The following TASOR2 variants were observed in gnomAD, a reference collection of about 807,000 sequenced individuals.
TASOR2 encodes the protein protein TASOR 2.
Under a neutral mutation model 199.5 loss-of-function variants are expected in TASOR2, and 84 were observed. The ratio of observed to expected loss-of-function variants is 0.42; its 90% CI spans 0.35 to 0.50. The LOEUF (loss-of-function observed/expected upper bound fraction) is 0.50. TASOR2 is among the 20% of genes least tolerant of loss of function. The pLI is 0.02. For missense variants in TASOR2, 2,796 were observed against 2,835.9 expected (o/e 0.99, Z 0.32); for synonymous variants, 1,103 against 1,046.6 (o/e 1.05, Z -1.04).
intron 11 of TASOR2, 45 bp downstream of exon 12, chr10:5,731,248 G>A (rs1292038021): frequency 1.9e-6 from 3 of 1,551,322 alleles, no homozygotes; most frequent in African/African-American, 2.7e-5. Context: ...AATAGTTGTG[G>A]CCAGGCGTTG....
chr10:5,749,323 G>A (rs1428722012), exon 15 of TASOR2: 2 of 1,614,248 alleles, frequency 1.2e-6, no homozygotes, highest in Non-Finnish European at 1.7e-6. Context: ...GCAGGTGGCA[G>A]ACGACCTCAC....
rs1056989241 is a variant in TASOR2 at position 5,751,701 on chromosome 10, T to A, written c.6606+1674T>A. On this transcript the variant is annotated intron_variant, in intron 15 of 20. Coordinates refer to ENST00000328090, the Ensembl canonical transcript of TASOR2. This position sits in a 1 kb window ranked among gnomAD's most constrained non-coding sequence, Gnocchi z 5.3. ...GGAGCTGTGACTCTTTAGTGAAGAA[T>A]GGCATTTAGAACCACCATCTAGGCA... 6.6e-5 allele frequency among the ~76,000 whole-genome samples: 10 copies of A among 152,232 alleles called. No homozygotes were observed. Among genetic ancestry groups the A allele is most frequent in the African/African-American group, 2.2e-4 (9 of 41,464 alleles).
rs971109957 is a variant in TASOR2 at position 5,742,282 on chromosome 10, T to C, written c.2513T>C (p.Ile838Thr). 6.2e-7 allele frequency: 1 copy of C among 1,614,188 alleles called. No individual in the cohort carries two copies. The highest frequency in any genetic ancestry group is 1.3e-5 in the African/African-American group (1 of 75,060). ...TTAGAATCTTGTGAGCTCCGTGAAA[T>C]TGAGGAGTCCCTTGGTTTGGAAAAA... Residue 838 changes from isoleucine to threonine, a missense_variant, in exon 14 of 21, where the codon ATT (isoleucine) becomes ACT (threonine). Coordinates refer to ENST00000328090, the Ensembl canonical transcript of TASOR2. The surrounding 1 kb of genome is among the most constrained non-coding windows in gnomAD (Gnocchi z 4.2).
intron 12 of TASOR2, among the ~76,000 whole-genome samples, chr10:5,736,140 GC>G (rs1196558153): frequency 6.6e-6 from 1 of 152,050 alleles, no homozygotes; most frequent in African/African-American, 2.4e-5. Flanking sequence ...CCAGGTTTTG[GC>G]CAGGCGCGGT....
chr10:5,706,765 G>A lies in TASOR2; in HGVS notation c.-287-6058G>A, dbSNP rs2131534219. On this transcript the variant is annotated intron_variant, in intron 1 of 20. Coordinates refer to ENST00000328090, the Ensembl canonical transcript of TASOR2. The surrounding 1 kb of genome is among the most constrained non-coding windows in gnomAD (Gnocchi z 4.8). ...TGCCTGTAATTCCAGCACTTTGGGAGGCCGAGGTATGCAGATCACTTGAGG... is the reference window on the plus strand; with the variant it reads ...TGCCTGTAATTCCAGCACTTTGGGAAGCCGAGGTATGCAGATCACTTGAGG... 6.6e-6 allele frequency among the ~76,000 whole-genome samples: 1 copy of A among 152,274 alleles called. No homozygotes were observed. The highest frequency in any genetic ancestry group is 1.9e-4 in the East Asian group (1 of 5,182).
At position 5,689,577 on chromosome 10, in the gene TASOR2, G is replaced by T. The variant is rs189666370; in HGVS notation, c.-288+4402G>T. On this transcript the variant is annotated intron_variant, in intron 1 of 20. Coordinates refer to ENST00000328090, the Ensembl canonical transcript of TASOR2. This position sits in a 1 kb window ranked among gnomAD's most constrained non-coding sequence, Gnocchi z 4.1. ...ATCACGCCACTGCACTCCAGCCTGG[G>T]CGACAGAGCAAGACTCCATCTCAAA... 3.3e-5 allele frequency among the ~76,000 whole-genome samples: 5 copies of T among 152,222 alleles called. No individual in the cohort carries two copies. In the East Asian group the frequency reaches 9.6e-4, roughly 29 times the overall value.
chr10:5,744,293 TTTTTGTTTTG>T (rs58184617), intron 14 of TASOR2, among the ~76,000 whole-genome samples: 26,021 of 150,636 alleles, frequency 0.17, 2,525 homozygotes, highest in Admixed American at 0.23. Flanking sequence ...TGACTCTGTT[TTTTTGTTTTG>T]TTTTGTTTTG....
At position 5,746,678 on chromosome 10, in the gene TASOR2, T is replaced by C. The variant is rs368206755; in HGVS notation, c.3257T>C (p.Val1086Ala). The change falls in exon 15 of 21, where the codon GTA (valine) becomes GCA (alanine). Residue 1086 changes from valine to alanine, a missense_variant. This residue lies in a region of TASOR2 where 1,941 missense variants were observed against 1,924.9 expected (regional missense o/e 1.01). Transcript: ENST00000328090. The stretch of plus-strand genomic sequence containing the variant: ...TTTAAGAAGGAGTTGATTAAGCAAG[T>C]ATCACCTGCTGCAAGCCTTAGACAT... 4 of 1,614,004 alleles carry C rather than the reference T, an allele frequency of 2.5e-6. No homozygotes were observed. In the African/African-American group the frequency reaches 4.0e-5, roughly 16 times the overall value.
chr10:5,727,182 G>C, intron 10 of TASOR2, 59 bp downstream of exon 11: 1 of 1,572,796 alleles, frequency 6.4e-7, no homozygotes, highest in Non-Finnish European at 8.7e-7. Context: ...GTCCTCATCT[G>C]ACTTGACCTC....
intron 11 of TASOR2, 76 bp downstream of exon 12, chr10:5,731,279 C>G: frequency 7.0e-7 from 1 of 1,426,986 alleles, no homozygotes; most frequent in Non-Finnish European, 9.5e-7. Context: ...CCTGTAATCC[C>G]AGCACTTTGG....
rs970406665 is a variant in TASOR2, at chr10:5,689,239, TCTGA to T, written c.-288+4068_-288+4071del. Among the ~76,000 whole-genome samples, 3 of 152,246 alleles carry T rather than the reference TCTGA, an allele frequency of 2.0e-5. No homozygotes were observed. Among genetic ancestry groups the T allele is most frequent in the African/African-American group, 4.8e-5 (2 of 41,458 alleles). On this transcript the variant is annotated intron_variant, in intron 1 of 20. Transcript: ENST00000328090. The surrounding 1 kb of genome is among the most constrained non-coding windows in gnomAD (Gnocchi z 4.1). Reference sequence around the variant, plus strand: ...CTATCAGTCTATCAATTCATTTTGTTCTGACTGTTTTTTGTGGGTTCTTTTGTTG... The same window carrying T: ...CTATCAGTCTATCAATTCATTTTGTTCTGTTTTTTGTGGGTTCTTTTGTTG...
rs951739993 is a variant in TASOR2 at position 5,698,414 on chromosome 10, A to G, written c.-288+13239A>G. Among the ~76,000 whole-genome samples the G allele has an allele frequency of 6.6e-6, 1 of 152,236 alleles. No homozygotes were observed. The highest frequency in any genetic ancestry group is 1.5e-5 in the Non-Finnish European group (1 of 68,032). On this transcript the variant is annotated intron_variant, in intron 1 of 20. Transcript: ENST00000328090. The surrounding 1 kb of genome is among the most constrained non-coding windows in gnomAD (Gnocchi z 4.4). ...ACTTCAGGATGGTCTGTTAATAAACATTAGTTAACCGAACAGTTATATGAT... is the reference window on the plus strand; with the variant it reads ...ACTTCAGGATGGTCTGTTAATAAACGTTAGTTAACCGAACAGTTATATGAT...
At chr10:5,743,347 AGAATTAAAGATTTCTGGGTCACTGT>A (rs1836700073) in intron 14 of TASOR2, among the ~76,000 whole-genome samples, 1 of 152,238 alleles carries the variant, frequency 6.6e-6, no homozygotes, top group Non-Finnish European at 1.5e-5. Flanking sequence ...CATCATCATG[AGAATTAAAGATTTCTGGGTCACTGT>A]GTGCCAGAAA....
In TASOR2 at chr10:5,685,040, G is replaced by A. The variant is rs1273657873; in HGVS notation, c.-423G>A. ...AGGGGGGTCCCCGCGGGAGCGCGGA[G>A]CCGGCGACTGGTGCTTCCCACGTGC... On this transcript the variant is annotated 5_prime_UTR_variant, in exon 1 of 21. Transcript: ENST00000328090. The surrounding 1 kb of genome is among the most constrained non-coding windows in gnomAD (Gnocchi z 5.4). 5.8e-5 allele frequency: 23 copies of A among 397,904 alleles called. 1 individual carries two copies. The highest frequency in any genetic ancestry group is 9.3e-5 in the Non-Finnish European group (21 of 225,510). 24.6% of individuals were successfully genotyped at this position (397,904 alleles called of 1,614,324 possible). A position where few individuals can be genotyped will look rare whatever the true frequency, so the allele number is the denominator to read the frequency against.
chr10:5,732,017 T>C (rs545397918), intron 11 of TASOR2, among the ~76,000 whole-genome samples: 2 of 152,372 alleles, frequency 1.3e-5, no homozygotes, highest in African/African-American at 2.4e-5. Context: ...ACCTGGATTA[T>C]TCGTGTGGTT....
At chr10:5,727,163 A>C (rs775973072) in intron 10 of TASOR2, 40 bp downstream of exon 11, 2 of 1,607,426 alleles carry the variant, frequency 1.2e-6, no homozygotes. Context: ...TGTCTGTTGG[A>C]TATATTTAGT....
chr10:5,745,674 G>A (rs904566275), intron 14 of TASOR2, among the ~76,000 whole-genome samples: 10 of 151,942 alleles, frequency 6.6e-5, no homozygotes, highest in African/African-American at 2.4e-4. Flanking sequence ...CAGCTACTCG[G>A]GAGGCTGAGG....
chr10:5,755,569 A>G (rs961314262), intron 15 of TASOR2, among the ~76,000 whole-genome samples: 10 of 151,108 alleles, frequency 6.6e-5, no homozygotes, highest in African/African-American at 2.4e-4. Context: ...GTAAGACAAC[A>G]TCTCAAAAAA....
chr10:5,749,540 T>G, exon 15 of TASOR2: 1 of 1,614,086 alleles, frequency 6.2e-7, no homozygotes, highest in South Asian at 1.1e-5. Context: ...AGCCCCCTTC[T>G]GGTAACAGTT....
Sources: allele counts gnomAD v4.1 joint callset (sites outside exome capture counted in the v4.1 genomes callset), GRCh38; gene constraint gnomAD v4.1.1; regional missense constraint gnomAD v4.1.1; non-coding constraint Gnocchi (gnomAD v3.1); transcripts MANE v1.5; gene names NCBI Gene and HGNC (gene_info 2026-07-23, HGNC 2026-07-21).